IFI44L: variants seen among roughly 807,000 people sequenced by gnomAD.
The protein encoded by IFI44L is interferon induced protein 44 like, also known as interferon-induced protein 44-like.
IFI44L carries 40 observed loss-of-function variants against 39.3 expected under a neutral mutation model. The observed-to-expected ratio is 1.02, with a 90% CI of 0.79 to 1.33. The LOEUF (loss-of-function observed/expected upper bound fraction) is 1.33, where lower values mean the gene tolerates loss of function less well. IFI44L is among the 40% of genes most tolerant of loss of function. IFI44L has a pLI of 0.00. For missense variants in IFI44L, 623 were observed against 549.0 expected (o/e 1.13, Z -1.35); for synonymous variants, 198 against 182.3 (o/e 1.09, Z -0.69).
Position 78,627,907 on chromosome 1 carries a change from T to C in IFI44L, c.-9T>C. 2 of 1,537,168 alleles carry C rather than the reference T, an allele frequency of 1.3e-6. No individual in the cohort carries two copies. Among genetic ancestry groups the C allele is most frequent in the Non-Finnish European group, 1.8e-6 (2 of 1,133,506 alleles). On this transcript the variant is annotated splice_region_variant and 5_prime_UTR_variant, in exon 2 of 9. Coordinates refer to ENST00000370751, the MANE Select transcript of IFI44L (RefSeq NM_006820.4). ...AACCTATAATTGTTTTTCCATTAGATATAGAACAATGGAAGTGACAACAAG... is the reference window on the plus strand; with the variant it reads ...AACCTATAATTGTTTTTCCATTAGACATAGAACAATGGAAGTGACAACAAG...
intron 5 of IFI44L, chr1:78,636,078 CAAT>C (rs1427509016): frequency 6.6e-6 from 1 of 151,236 alleles, no homozygotes; most frequent in East Asian, 1.9e-4. Flanking sequence ...AAAAAGCCAA[CAAT>C]GATTGTTACC....
At position 78,645,220 on chromosome 1, in the gene IFI44L, C is replaced by T. The variant is rs750647068; in HGVS notation, c.*3411C>T. The T allele has an allele frequency of 3.3e-5, 5 of 152,142 alleles. No individual in the cohort carries two copies. Among genetic ancestry groups the T allele is most frequent in the Non-Finnish European group, 5.9e-5 (4 of 68,028 alleles). 9.4% of individuals were successfully genotyped at this position (152,142 alleles called of 1,614,324 possible). A position where few individuals can be genotyped will look rare whatever the true frequency, so the allele number is the denominator to read the frequency against. On this transcript the variant is annotated 3_prime_UTR_variant, in exon 9 of 9. Transcript: ENST00000370751. ...TTCGTGGTAAATAACTTAGGAACTGCCTCTTCTTTTTCTTTGAAAACCTAC... is the reference window on the plus strand; with the variant it reads ...TTCGTGGTAAATAACTTAGGAACTGTCTCTTCTTTTTCTTTGAAAACCTAC...
chr1:78,627,850 A>C (rs1652548408), intron 1 of IFI44L, 56 bp from the exon 2 acceptor site: 2 of 962,038 alleles, frequency 2.1e-6, no homozygotes, highest in Non-Finnish European at 2.8e-6. Flanking sequence ...TGGAAACCTA[A>C]GCTATAAGCT....
chr1:78,641,631 C>T (rs1557691538), intron 8 of IFI44L, 22 bp downstream of exon 8: 1 of 1,612,420 alleles, frequency 6.2e-7, no homozygotes, highest in Non-Finnish European at 8.5e-7. Context: ...CTTTTCTCCC[C>T]CTGTCATAGA....
At chr1:78,637,796 T>C (rs1176904509) in intron 6 of IFI44L, among the ~76,000 whole-genome samples, 3 of 152,146 alleles carry the variant, frequency 2.0e-5, no homozygotes, top group Admixed American at 1.3e-4. Context: ...TATGTATTTA[T>C]TGTTCATTTA....
In IFI44L at chr1:78,643,160, T is replaced by TTTTTTTTTTTTTTTTTTTTTTTTTTTGAG. The variant is rs1367397714; in HGVS notation, c.*1351_*1352insTTTTTTTTTTTTTTTTTTTTTTTTTTGAG. ...AGATATTAAGAAAGCAAGAGTTTCT[T>TTTTTTTTTTTTTTTTTTTTTTTTTTTGAG]ATGTCCAGTTATGGAATATTTCCTA... On this transcript the variant is annotated 3_prime_UTR_variant, in exon 9 of 9. Transcript: ENST00000370751. 5.3e-5 allele frequency: 8 copies of TTTTTTTTTTTTTTTTTTTTTTTTTTTGAG among 151,862 alleles called. No individual in the cohort carries two copies. The highest frequency in any genetic ancestry group is 2.1e-4 in the South Asian group (1 of 4,818). The allele number at this position is 151,862 out of a possible 1,614,324, so 9.4% of individuals were successfully genotyped here.
intron 4 of IFI44L, 76 bp from the exon 5 acceptor site, chr1:78,635,261 C>G (rs949202173): frequency 8.3e-7 from 1 of 1,198,010 alleles, no homozygotes; most frequent in Non-Finnish European, 1.2e-6. Context: ...ATTAACCAAT[C>G]TCTTTTCTTC....
chr1:78,641,839 C>T lies in IFI44L; in HGVS notation c.*30C>T, dbSNP rs75942868. ...AGTTGCCTTGATTCTGACATTTGGC[C>T]CAGCCTGTACTGGTGTGCCGCAATG... On this transcript the variant is annotated 3_prime_UTR_variant, in exon 9 of 9. Coordinates refer to ENST00000370751, the MANE Select transcript of IFI44L (RefSeq NM_006820.4). 2.0e-4 allele frequency: 322 copies of T among 1,606,662 alleles called. 2 individuals carry two copies. The East Asian group carries it at 7.1e-3, about 35-fold the overall frequency.
At chr1:78,626,569 C>CT (rs1481877375) in intron 1 of IFI44L, 1 of 152,102 alleles carries the variant, frequency 6.6e-6, no homozygotes. Context: ...GCTATGGACA[C>CT]TAGCAATTCT....
rs1025019188 is a variant in IFI44L, at chr1:78,642,330, G to A, written c.*521G>A. ...CATCACATTCACTTTAAATTTTTCT[G>A]TATATAGAAAGGAAAACTAGCCTGG... is the stretch of plus-strand genomic sequence containing the variant. On this transcript the variant is annotated 3_prime_UTR_variant, in exon 9 of 9. Transcript: ENST00000370751. 7 of 141,012 alleles carry A rather than the reference G, an allele frequency of 5.0e-5. No individual in the cohort carries two copies. The highest frequency in any genetic ancestry group is 1.8e-4 in the African/African-American group (7 of 38,194). The allele number at this position is 141,012 out of a possible 1,614,324, so 8.7% of individuals were successfully genotyped here. A position where few individuals can be genotyped will look rare whatever the true frequency, so the allele number is the denominator to read the frequency against.
intron 1 of IFI44L, chr1:78,626,878 C>G (rs1001795261): frequency 6.6e-6 from 1 of 151,914 alleles, no homozygotes. Flanking sequence ...TCCATCATAT[C>G]AGTCTGTATG....
In IFI44L at chr1:78,629,007, G is replaced by T. The variant is rs761757225; in HGVS notation, c.527+8G>T. The T allele has an allele frequency of 7.1e-6, 11 of 1,555,902 alleles. No homozygotes were observed. In the South Asian group the frequency reaches 1.1e-4, roughly 16 times the overall value. On this transcript the variant is annotated splice_region_variant and intron_variant, in intron 3 of 8. Transcript: ENST00000370751. ...GATAATTAAAGCCAGAGAGTAAGTTGGATTCTTGGGCTATCTATTAATCAT... is the reference window on the plus strand; with the variant it reads ...GATAATTAAAGCCAGAGAGTAAGTTTGATTCTTGGGCTATCTATTAATCAT...
chr1:78,628,037 T>C lies in IFI44L; in HGVS notation c.122T>C (p.Val41Ala), dbSNP rs765587785. ...CATGGAGGTAGCATTGAAGATATGG[T>C]TGAAAGATGCAGCCGTCAGGGATGT... ...SVHGGSIEDM[V>A]ERCSRQGCTI... Residue 41 changes from valine (V) to alanine (A), a missense_variant, in exon 2 of 9, where the codon GTT becomes GCT. Physicochemically the swap from Val to Ala is moderately conservative, Grantham distance 64. Transcript: ENST00000370751. 9.9e-6 allele frequency: 16 copies of C among 1,613,156 alleles called. No homozygotes were observed. The highest frequency in any genetic ancestry group is 1.3e-5 in the Non-Finnish European group (15 of 1,179,494).
At position 78,628,193 on chromosome 1, in the gene IFI44L, C is replaced by T. The variant is rs746644202; in HGVS notation, c.278C>T (p.Thr93Ile). Residue 93 changes from threonine (T) to isoleucine (I), a missense_variant, in exon 2 of 9, where the codon ACC becomes ATC. Thr to Ile is a moderately conservative substitution (Grantham distance 89). Coordinates refer to ENST00000370751, the MANE Select transcript of IFI44L (RefSeq NM_006820.4). ...TTTTCACTTCAAAAGAAAAATGACA[C>T]CACTGAAATAGAAACTTTACTCTTA... is the stretch of plus-strand genomic sequence containing the variant. ...LWFSLQKKND[T>I]TEIETLLLNT... The T allele has an allele frequency of 1.2e-6, 2 of 1,612,658 alleles. No individual in the cohort carries two copies. Among genetic ancestry groups the T allele is most frequent in the East Asian group, 2.2e-5 (1 of 44,736 alleles).
intron 6 of IFI44L, among the ~76,000 whole-genome samples, chr1:78,638,358 T>A (rs1348167659): frequency 1.3e-5 from 2 of 152,120 alleles, no homozygotes; most frequent in East Asian, 1.9e-4. Context: ...AGATACATTG[T>A]TTGCGGATAG....
intron 4 of IFI44L, among the ~76,000 whole-genome samples, chr1:78,631,862 A>C (rs1652761436): frequency 6.6e-6 from 1 of 152,114 alleles, no homozygotes; most frequent in African/African-American, 2.4e-5. Context: ...TTGGCACATT[A>C]GTATGAATCA....
In IFI44L at chr1:78,641,610, G is replaced by C; in HGVS notation, c.1324+1G>C. 1 of 1,613,202 alleles carries C rather than the reference G, an allele frequency of 6.2e-7. No homozygotes were observed. Among genetic ancestry groups the C allele is most frequent in the Non-Finnish European group, 8.5e-7 (1 of 1,179,320 alleles). On this transcript the variant is annotated splice_donor_variant, in intron 8 of 8. Transcript: ENST00000370751. LOFTEE classifies it high-confidence loss of function. The stretch of plus-strand genomic sequence containing the variant: ...GAAGATTTGCCTCTTGAGGAAACTG[G>C]TAATCTGGCCCTTTTCTCCCCCTGT...
intron 1 of IFI44L, among the ~76,000 whole-genome samples, chr1:78,622,356 T>C (rs1652307251): frequency 6.6e-6 from 1 of 152,198 alleles, no homozygotes; most frequent in Admixed American, 6.5e-5. Flanking sequence ...TCCATATCTT[T>C]TCTATTGTTA....
Position 78,641,575 on chromosome 1 carries a change from T to C in IFI44L, c.1290T>C (p.Asp430=), listed in dbSNP as rs760866515. 6.2e-7 allele frequency: 1 copy of C among 1,613,670 alleles called. No homozygotes were observed. Among genetic ancestry groups the C allele is most frequent in the Non-Finnish European group, 8.5e-7 (1 of 1,179,654 alleles). ...TGAGGCAGATGCTGCGGGCTGCAGA[T>C]GATTTTTTAGAAGATTTGCCTCTTG... The part of the protein sequence containing the change: ...SALRQMLRAA[D]DFLEDLPLEE... Residue 430 remains aspartate (D), a synonymous_variant, in exon 8 of 9, where the codon GAT becomes GAC. Coordinates refer to ENST00000370751, the MANE Select transcript of IFI44L (RefSeq NM_006820.4).
Sources: allele counts gnomAD v4.1 joint callset (sites outside exome capture counted in the v4.1 genomes callset), GRCh38; gene constraint gnomAD v4.1.1; transcripts MANE v1.5; gene names NCBI Gene and HGNC (gene_info 2026-07-23, HGNC 2026-07-21).